PCDHGA4: variants seen among roughly 807,000 people sequenced by gnomAD.
PCDHGA4 encodes protocadherin gamma subfamily A, 4.
A neutral mutation model predicts 54.6 loss-of-function variants in PCDHGA4; 38 were observed. The observed-to-expected ratio is 0.70, with a 90% CI of 0.54 to 0.91. The LOEUF (loss-of-function observed/expected upper bound fraction) is 0.91. Ranked by LOEUF, PCDHGA4 falls within the 40% of genes least tolerant of loss-of-function variation. The probability of loss-of-function intolerance (pLI) is 0.00; values close to 1 mark genes in which losing one functional copy is unlikely to be tolerated. For synonymous variants in PCDHGA4, 511 were observed against 512.9 expected, an observed-to-expected ratio of 1.00 and a Z score of 0.05; for missense variants, 1,298 against 1,220.9, an observed-to-expected ratio of 1.06 and a Z score of -0.94.
intron 2 of PCDHGA4, 147 bp from the exon 3 acceptor site, chr5:141,505,246 G>A (rs2099844792): frequency 2.1e-6 from 3 of 1,436,556 alleles, no homozygotes; most frequent in African/African-American, 1.4e-5. Flanking sequence ...AAGGATTGTA[G>A]AAGTGCCTCC....
At chr5:141,405,156 T>C in intron 1 of PCDHGA4, 1 of 1,614,042 alleles carries the variant, frequency 6.2e-7, no homozygotes, top group Non-Finnish European at 8.5e-7. Flanking sequence ...TTGGCTGGTG[T>C]GCCCACCTCA....
At chr5:141,393,023 T>C (rs372159245) in intron 1 of PCDHGA4, 52 of 1,613,550 alleles carry the variant, frequency 3.2e-5, no homozygotes, top group Non-Finnish European at 4.3e-5. Flanking sequence ...TCTCCAGAGG[T>C]AGGACGCAGC....
intron 1 of PCDHGA4, among the ~76,000 whole-genome samples, chr5:141,456,946 G>A (rs182320066): frequency 2.3e-4 from 35 of 152,284 alleles, no homozygotes; most frequent in Admixed American, 2.3e-3. Context: ...CTGGGCAACA[G>A]AGCAAAACTC....
chr5:141,432,128 T>C lies in PCDHGA4; in HGVS notation c.2515-62679T>C. 3 of 1,614,080 alleles carry C rather than the reference T, an allele frequency of 1.9e-6. No homozygotes were observed. Among genetic ancestry groups the C allele is most frequent in the Non-Finnish European group, 2.5e-6 (3 of 1,180,016 alleles). On this transcript the variant is annotated intron_variant, in intron 1 of 3. Coordinates refer to ENST00000571252, the MANE Select transcript of PCDHGA4 (RefSeq NM_018917.4). This position sits in a 1 kb window ranked among gnomAD's most constrained non-coding sequence, Gnocchi z 6.0. ...CCCGCCGGTCTTCCCTCAGGCCTCC[T>C]ATTCCGCTTATATCCCAGAGAACAA... is the stretch of plus-strand genomic sequence containing the variant.
chr5:141,486,169 A>T lies in PCDHGA4; in HGVS notation c.2515-8638A>T. On this transcript the variant is annotated intron_variant, in intron 1 of 3. Transcript: ENST00000571252. The surrounding 1 kb of genome is among the most constrained non-coding windows in gnomAD (Gnocchi z 5.0). ...ATGGGGGTTCTCCAGCCATGGAGCA[A>T]CATTGCAGCCTTCGAGTGGATCTGC... 1 of 1,614,206 alleles carries T rather than the reference A, an allele frequency of 6.2e-7. No homozygotes were observed. Among genetic ancestry groups the T allele is most frequent in the Non-Finnish European group, 8.5e-7 (1 of 1,180,032 alleles).
chr5:141,383,239 A>T, intron 1 of PCDHGA4: 1 of 1,613,966 alleles, frequency 6.2e-7, no homozygotes, highest in South Asian at 1.1e-5. Flanking sequence ...GGAAGATAAA[A>T]TGAATCTTTA....
In PCDHGA4 at chr5:141,395,340, G is replaced by C. The variant is rs529007241; in HGVS notation, c.2514+37719G>C. 3 of 1,419,480 alleles carry C rather than the reference G, an allele frequency of 2.1e-6. No individual in the cohort carries two copies. In the African/African-American group the frequency reaches 4.3e-5, roughly 20 times the overall value. The allele number at this position is 1,419,480 out of a possible 1,614,324, so 87.9% of individuals were successfully genotyped here. On this transcript the variant is annotated intron_variant, in intron 1 of 3. Transcript: ENST00000571252. ...GAAGATAGTTGAAAATAATTTTTAA[G>C]GTGTATCACAGAGTTTTGGGTTTAT...
At chr5:141,423,773 T>A in intron 1 of PCDHGA4, 6 of 901,238 alleles carry the variant, frequency 6.7e-6, no homozygotes, top group Non-Finnish European at 7.3e-6. Flanking sequence ...GGGCGGCATA[T>A]ATTTAGTTCA....
chr5:141,405,419 T>C, intron 1 of PCDHGA4: 7 of 1,509,010 alleles, frequency 4.6e-6, no homozygotes, highest in Non-Finnish European at 5.4e-6. Flanking sequence ...TTTTTTGTTT[T>C]TTGTTTTGTT....
chr5:141,427,914 A>G (rs757621783), intron 1 of PCDHGA4: 123 of 1,576,802 alleles, frequency 7.8e-5, no homozygotes, highest in Non-Finnish European at 7.6e-5. Context: ...CAGCGCCAAC[A>G]TGAGCCGGCG....
At chr5:141,394,591 C>A in intron 1 of PCDHGA4, 2 of 1,613,762 alleles carry the variant, frequency 1.2e-6, no homozygotes, top group Non-Finnish European at 1.7e-6. Context: ...AAGGTGGTGG[C>A]GGTGGACAGA....
intron 1 of PCDHGA4, chr5:141,388,479 C>A (rs1345463224): frequency 6.2e-7 from 1 of 1,613,770 alleles, no homozygotes. Context: ...ATTGAAGACA[C>A]CTTTGGACAG....
At chr5:141,419,770 G>C in intron 1 of PCDHGA4, 1 of 1,614,006 alleles carries the variant, frequency 6.2e-7, no homozygotes, top group Non-Finnish European at 8.5e-7. Context: ...ACAAGGACTC[G>C]GTCCGCCAGC....
At chr5:141,421,320 G>C (rs1561793188) in intron 1 of PCDHGA4, 1 of 1,613,904 alleles carries the variant, frequency 6.2e-7, no homozygotes, top group East Asian at 2.2e-5. Flanking sequence ...GGGCCAGGCA[G>C]ATCCGATATT....
At chr5:141,465,522 G>A (rs1416012695) in intron 1 of PCDHGA4, among the ~76,000 whole-genome samples, 1 of 152,112 alleles carries the variant, frequency 6.6e-6, no homozygotes, top group Non-Finnish European at 1.5e-5. Context: ...AGGATTCTGG[G>A]GAAGTTTTCC....
intron 1 of PCDHGA4, among the ~76,000 whole-genome samples, chr5:141,402,590 A>G (rs1379327637): frequency 6.6e-6 from 1 of 152,238 alleles, no homozygotes; most frequent in Admixed American, 6.5e-5. Flanking sequence ...TAAAAAATAG[A>G]TTGCTTTTGA....
intron 1 of PCDHGA4, among the ~76,000 whole-genome samples, chr5:141,445,554 C>T (rs898901856): frequency 3.3e-5 from 5 of 152,102 alleles, no homozygotes; most frequent in African/African-American, 1.2e-4. Context: ...TACAAAAGCA[C>T]TAAGAGAAAG....
chr5:141,448,795 A>T (rs577803435), intron 1 of PCDHGA4, among the ~76,000 whole-genome samples: 1 of 152,086 alleles, frequency 6.6e-6, no homozygotes, highest in African/African-American at 2.4e-5. Context: ...AAAAAAAAAA[A>T]TTAGCCAGGC....
Position 141,357,224 on chromosome 5 carries a change from T to G in PCDHGA4, c.2117T>G (p.Leu706Trp). Residue 706 changes from leucine (L) to tryptophan (W), a missense_variant, in exon 1 of 4, where the codon TTG (leucine) becomes TGG (tryptophan). By Grantham distance (61) the Leu-to-Trp change is moderately conservative. Coordinates refer to ENST00000571252, the MANE Select transcript of PCDHGA4 (RefSeq NM_018917.4). ...AGCATCCCAGATGTCCTGGCTGACTTGGGCAGCCTCAAGCCTTCAGCAGAC... is the reference window on the plus strand; with the variant it reads ...AGCATCCCAGATGTCCTGGCTGACTGGGGCAGCCTCAAGCCTTCAGCAGAC... The part of the protein sequence containing the change: ...ADSIPDVLAD[L>W]GSLKPSADPD... The G allele has an allele frequency of 6.2e-7, 1 of 1,613,828 alleles. No individual in the cohort carries two copies. Among genetic ancestry groups the G allele is most frequent in the Non-Finnish European group, 8.5e-7 (1 of 1,179,838 alleles).
Sources: allele counts gnomAD v4.1 joint callset (sites outside exome capture counted in the v4.1 genomes callset), GRCh38; gene constraint gnomAD v4.1.1; non-coding constraint Gnocchi (gnomAD v3.1); transcripts MANE v1.5; gene names NCBI Gene and HGNC (gene_info 2026-07-23, HGNC 2026-07-21).